Variants in DNAAF4 observed in about 807,000 individuals in gnomAD.
The protein encoded by DNAAF4 is dynein axonemal assembly factor 4.
Under a neutral mutation model 51.8 loss-of-function variants are expected in DNAAF4, and 43 were observed. The observed-to-expected ratio is 0.83, with a 90% confidence interval of 0.65 to 1.07. DNAAF4 has a LOEUF of 1.07. Among genes scored for constraint, DNAAF4 ranks in the 50% least tolerant of loss-of-function variants. The pLI, the probability that DNAAF4 is intolerant of heterozygous loss-of-function variation, is 0.00. For synonymous variants in DNAAF4, 194 were observed against 165.6 expected (o/e 1.17, Z -1.32); for missense variants, 581 against 493.0 (o/e 1.18, Z -1.69).
At chr15:55,469,540 TGGCGCAATCTC>T (rs1314021629) in intron 4 of DNAAF4, among the ~76,000 whole-genome samples, 7 of 122,080 alleles carry the variant, frequency 5.7e-5, no homozygotes, top group Non-Finnish European at 9.7e-5. Context: ...TGGAGTGCAG[TGGCGCAATCTC>T]GGCTCACTGC....
chr15:55,436,548 C>T (rs1488722196), intron 7 of DNAAF4, among the ~76,000 whole-genome samples: 1 of 151,930 alleles, frequency 6.6e-6, no homozygotes, highest in Non-Finnish European at 1.5e-5. Context: ...CAATGCCTGA[C>T]TAGTTTTTGT....
At chr15:55,453,154 T>C (rs1169694798) in intron 5 of DNAAF4, among the ~76,000 whole-genome samples, 2 of 152,198 alleles carry the variant, frequency 1.3e-5, no homozygotes, top group Non-Finnish European at 2.9e-5. Flanking sequence ...AGGATGCTTA[T>C]ACGATCTCTG....
At chr15:55,442,502 A>G in intron 6 of DNAAF4, 1 of 728,844 alleles carries the variant, frequency 1.4e-6, no homozygotes, top group Non-Finnish European at 2.5e-6. Context: ...TGTATTCAGA[A>G]GGCTGTTTCG....
chr15:55,489,102 A>G (rs1170822270), intron 4 of DNAAF4, among the ~76,000 whole-genome samples: 3 of 151,330 alleles, frequency 2.0e-5, no homozygotes, highest in Admixed American at 2.0e-4. Flanking sequence ...AAAAAAAAAC[A>G]AAAAACAAAC....
intron 7 of DNAAF4, among the ~76,000 whole-genome samples, chr15:55,438,296 A>G (rs1298672296): frequency 3.3e-5 from 5 of 151,282 alleles, no homozygotes; most frequent in Non-Finnish European, 7.4e-5. Flanking sequence ...GTTTGCATTG[A>G]GCCAAGATTG....
Position 55,418,239 on chromosome 15 carries a change from C to T in DNAAF4, c.1048-106G>A, listed in dbSNP as rs554095760. On this transcript the variant is annotated intron_variant, in intron 7 of 7. Transcript: ENST00000448430. ...ATCTTTTAGGATAAGAAAAGTACTT[C>T]ACCTTCAAATTCAGACACAGAAATG... is the stretch of plus-strand genomic sequence containing the variant. 1.9e-5 allele frequency: 30 copies of T among 1,567,260 alleles called. 1 individual carries two copies. In the African/African-American group the frequency reaches 2.7e-4, roughly 14 times the overall value.
At chr15:55,490,966 A>C (rs978976258) in intron 4 of DNAAF4, 157 bp downstream of exon 4, 1 of 797,098 alleles carries the variant, frequency 1.3e-6, no homozygotes, top group Non-Finnish European at 1.9e-6. Context: ...GAAAAAAAAA[A>C]ACACACATAT....
At chr15:55,433,871 T>TTATA (rs1166985878) in intron 8 of DNAAF4, among the ~76,000 whole-genome samples, 1,640 of 48,564 alleles carry the variant, frequency 0.034, 415 homozygotes, top group Non-Finnish European at 0.047. Flanking sequence ...ATATATTATA[T>TTATA]ATATTACATA....
intron 5 of DNAAF4, among the ~76,000 whole-genome samples, chr15:55,466,494 T>C (rs1363952250): frequency 6.6e-6 from 1 of 152,222 alleles, no homozygotes; most frequent in East Asian, 1.9e-4. Context: ...CAATCTTTAT[T>C]TGCTGTAGAG....
chr15:55,432,370 T>A (rs993943999), intron 9 of DNAAF4, 127 bp downstream of exon 9: 51 of 627,026 alleles, frequency 8.1e-5, no homozygotes, highest in African/African-American at 8.0e-4. Context: ...CAGACATTAC[T>A]AAGAATAAAT....
At chr15:55,427,538 C>A (rs2057442753), downstream of DNAAF4, among the ~76,000 whole-genome samples, 1 of 151,916 alleles carries the variant, frequency 6.6e-6, no homozygotes, top group Non-Finnish European at 1.5e-5. Context: ...CTGGGTGGTG[C>A]CAGCTGATTC....
chr15:55,424,110 G>C (rs1325216219), intron 7 of DNAAF4, among the ~76,000 whole-genome samples: 2 of 152,064 alleles, frequency 1.3e-5, no homozygotes, highest in Non-Finnish European at 2.9e-5. Context: ...GAGACTATTA[G>C]GTCATGGGGA....
At chr15:55,443,774 G>C (rs1277107521) in intron 6 of DNAAF4, among the ~76,000 whole-genome samples, 1 of 152,152 alleles carries the variant, frequency 6.6e-6, no homozygotes, top group East Asian at 1.9e-4. Flanking sequence ...TTGTGGTTTT[G>C]ATTTGCATTT....
chr15:55,442,532 C>T, intron 6 of DNAAF4: 1 of 829,058 alleles, frequency 1.2e-6, no homozygotes, highest in South Asian at 1.4e-5. Flanking sequence ...TCTTGGCAGG[C>T]TTCTCCCTAC....
At chr15:55,497,306 G>A (rs1315132086) in intron 3 of DNAAF4, among the ~76,000 whole-genome samples, 2 of 152,094 alleles carry the variant, frequency 1.3e-5, no homozygotes, top group Non-Finnish European at 2.9e-5. Context: ...TAAAAGGAAA[G>A]TCTATCTGGC....
At chr15:55,476,528 G>A (rs1404580683) in intron 4 of DNAAF4, among the ~76,000 whole-genome samples, 1 of 152,152 alleles carries the variant, frequency 6.6e-6, no homozygotes, top group Non-Finnish European at 1.5e-5. Context: ...AAGAGTATGA[G>A]AAATGGTAAA....
rs186480637 is a variant in DNAAF4, at chr15:55,430,426, A to G, written c.*244T>C. On this transcript the variant is annotated 3_prime_UTR_variant, in exon 10 of 10. Coordinates refer to ENST00000321149, the MANE Select transcript of DNAAF4 (RefSeq NM_130810.4). ...GGCAAGCTTAATTCAGTAACACAAA[A>G]AAGTATACATATGTATTAATATGAA... The G allele has an allele frequency of 3.0e-6, 3 of 1,004,896 alleles. No homozygotes were observed. In the East Asian group the frequency reaches 2.4e-4, roughly 81 times the overall value. The allele number at this position is 1,004,896 out of a possible 1,614,324, so 62.2% of individuals were successfully genotyped here.
At chr15:55,493,375 T>C (rs370977808) in intron 3 of DNAAF4, among the ~76,000 whole-genome samples, 41 of 152,352 alleles carry the variant, frequency 2.7e-4, no homozygotes, top group Middle Eastern at 3.4e-3. Context: ...TGTAATTTTA[T>C]TCATCTAAGA....
chr15:55,465,866 C>T (rs2058164256), intron 5 of DNAAF4, among the ~76,000 whole-genome samples: 1 of 152,048 alleles, frequency 6.6e-6, no homozygotes, highest in South Asian at 2.1e-4. Context: ...GCTCCTGGCC[C>T]ATGTTCTCAC....
Sources: gnomAD v4.1 joint callset for allele counts (sites outside exome capture counted in the v4.1 genomes callset) on GRCh38, gnomAD v4.1.1 for gene constraint, MANE v1.5 for transcripts, NCBI Gene and HGNC (gene_info 2026-07-23, HGNC 2026-07-21) for gene names.